Variants in FRAS1 observed in about 807,000 individuals in gnomAD.
FRAS1 encodes extracellular matrix organizing protein FRAS1.
A neutral mutation model predicts 435.2 loss-of-function variants in FRAS1; 290 were observed. The ratio of observed to expected loss-of-function variants is 0.67; its 90% CI spans 0.61 to 0.73. The LOEUF is 0.73. FRAS1 is among the 30% of genes least tolerant of loss of function. The probability of loss-of-function intolerance (pLI) is 0.00; values close to 1 mark genes in which losing one functional copy is unlikely to be tolerated. For synonymous variants in FRAS1, 1,800 were observed against 1,851.0 expected, an observed-to-expected ratio of 0.97 and a Z score of 0.71; for missense variants, 4,860 against 5,001.5, an observed-to-expected ratio of 0.97 and a Z score of 0.85.
intron 9 of FRAS1, among the ~76,000 whole-genome samples, chr4:78,273,983 C>A (rs1726858237): frequency 6.6e-6 from 1 of 152,100 alleles, no homozygotes; most frequent in Admixed American, 6.5e-5. Flanking sequence ...TTATTGCCTC[C>A]ATTTCAGAAC....
At chr4:78,248,032 G>C (rs375356736) in intron 4 of FRAS1, among the ~76,000 whole-genome samples, 5 of 152,194 alleles carry the variant, frequency 3.3e-5, no homozygotes, top group Non-Finnish European at 2.9e-5. Flanking sequence ...AAACAGCGGA[G>C]CCTTGGGGGA....
At chr4:78,363,737 C>G in intron 21 of FRAS1, 72 bp downstream of exon 21, 1 of 1,499,968 alleles carries the variant, frequency 6.7e-7, no homozygotes, top group Non-Finnish European at 9.1e-7. Flanking sequence ...TGGGAAGGAT[C>G]AACCTTTCCT....
At chr4:78,159,417 C>T (rs1721042165) in intron 2 of FRAS1, among the ~76,000 whole-genome samples, 2 of 152,102 alleles carry the variant, frequency 1.3e-5, no homozygotes, top group Non-Finnish European at 2.9e-5. Context: ...TAAGATAGGG[C>T]TTTCATGTTG....
At chr4:78,384,740 A>C (rs113906595) in intron 28 of FRAS1, among the ~76,000 whole-genome samples, 4 of 130,310 alleles carry the variant, frequency 3.1e-5, no homozygotes, top group African/African-American at 8.0e-5. Context: ...CCGAAACAAA[A>C]AAAAAAAATA....
At chr4:78,312,106 C>A (rs1729048073) in intron 15 of FRAS1, among the ~76,000 whole-genome samples, 1 of 149,450 alleles carries the variant, frequency 6.7e-6, no homozygotes, top group African/African-American at 2.5e-5. Context: ...TGCTAAGGTT[C>A]AAAAATAAAT....
chr4:78,495,378 A>G (rs1474147226), intron 59 of FRAS1, among the ~76,000 whole-genome samples: 2 of 152,190 alleles, frequency 1.3e-5, no homozygotes, highest in Non-Finnish European at 1.5e-5. Flanking sequence ...GAAGTTTAGC[A>G]TAAAACATAC....
At chr4:78,347,627 A>G (rs1045452012) in intron 20 of FRAS1, among the ~76,000 whole-genome samples, 3 of 152,038 alleles carry the variant, frequency 2.0e-5, no homozygotes, top group Non-Finnish European at 2.9e-5. Context: ...CCTTCTAACA[A>G]GGGTGTCCTC....
At chr4:78,159,034 A>G (rs912781732) in intron 2 of FRAS1, among the ~76,000 whole-genome samples, 1 of 152,208 alleles carries the variant, frequency 6.6e-6, no homozygotes, top group Non-Finnish European at 1.5e-5. Flanking sequence ...CCCCTCAATC[A>G]TGTTTCATGG....
chr4:78,085,553 T>G (rs1231601320), intron 2 of FRAS1, among the ~76,000 whole-genome samples: 2 of 152,092 alleles, frequency 1.3e-5, no homozygotes, highest in Admixed American at 6.6e-5. Context: ...TTTCCCTGTG[T>G]CCTCAACCCT....
At chr4:78,273,358 G>T (rs1443109514) in intron 9 of FRAS1, among the ~76,000 whole-genome samples, 1 of 152,182 alleles carries the variant, frequency 6.6e-6, no homozygotes, top group African/African-American at 2.4e-5. Context: ...ATGTTGAATA[G>T]GAGTGGTGAG....
chr4:78,305,379 T>C (rs1469641584), intron 14 of FRAS1, among the ~76,000 whole-genome samples: 3 of 150,748 alleles, frequency 2.0e-5, no homozygotes, highest in Admixed American at 6.6e-5. Context: ...CTATTAGGTC[T>C]GCTTGGTGCA....
chr4:78,283,036 C>T, intron 12 of FRAS1, 69 bp downstream of exon 12: 1 of 1,189,414 alleles, frequency 8.4e-7, no homozygotes, highest in Non-Finnish European at 1.1e-6. Flanking sequence ...ATCCTCTTCC[C>T]CACCCCCTTG....
intron 2 of FRAS1, among the ~76,000 whole-genome samples, chr4:78,169,756 C>T (rs1204808981): frequency 7.9e-6 from 1 of 127,366 alleles, no homozygotes; most frequent in Non-Finnish European, 1.7e-5. Flanking sequence ...ATGTTTTCTT[C>T]AGAGGATTAT....
At chr4:78,401,040 G>A (rs1732872262) in intron 30 of FRAS1, among the ~76,000 whole-genome samples, 153 bp downstream of exon 30, 1 of 152,110 alleles carries the variant, frequency 6.6e-6, no homozygotes, top group Non-Finnish European at 1.5e-5. Context: ...AATCATGATA[G>A]CTATCACACT....
chr4:78,329,756 T>G (rs1190871677), intron 18 of FRAS1, among the ~76,000 whole-genome samples: 1 of 152,208 alleles, frequency 6.6e-6, no homozygotes, highest in Non-Finnish European at 1.5e-5. Flanking sequence ...GGGAAGATAA[T>G]TTATCATTGG....
chr4:78,119,960 C>T (rs1718916639), intron 2 of FRAS1, among the ~76,000 whole-genome samples: 1 of 152,188 alleles, frequency 6.6e-6, no homozygotes, highest in African/African-American at 2.4e-5. Flanking sequence ...AACTCCTCCT[C>T]TCCTGTTTTT....
intron 70 of FRAS1, among the ~76,000 whole-genome samples, chr4:78,533,838 A>G (rs1454929884): frequency 1.3e-5 from 2 of 152,182 alleles, no homozygotes; most frequent in African/African-American, 2.4e-5. Context: ...TGGCATTACT[A>G]CCTTTGAGAT....
chr4:78,537,813 G>A (rs1721929876), intron 72 of FRAS1, among the ~76,000 whole-genome samples: 1 of 152,036 alleles, frequency 6.6e-6, no homozygotes, highest in East Asian at 1.9e-4. Context: ...GGGCTTGGTG[G>A]CATGCACTTG....
At chr4:78,533,186 G>A (rs1467167513) in intron 70 of FRAS1, among the ~76,000 whole-genome samples, 3 of 152,038 alleles carry the variant, frequency 2.0e-5, no homozygotes, top group African/African-American at 4.8e-5. Flanking sequence ...TTACCTTTTA[G>A]CATGCTATAT....
Sources: gnomAD v4.1 joint callset for allele counts (sites outside exome capture counted in the v4.1 genomes callset) on GRCh38, gnomAD v4.1.1 for gene constraint, MANE v1.5 for transcripts, NCBI Gene and HGNC (gene_info 2026-07-23, HGNC 2026-07-21) for gene names.